The following KDM4B variants were observed in gnomAD, a reference collection of about 807,000 sequenced individuals.
KDM4B encodes lysine-specific demethylase 4B.
KDM4B carries 32 observed loss-of-function variants against 125.2 expected under a neutral mutation model. The ratio of observed to expected loss-of-function variants is 0.26; its 90% CI spans 0.19 to 0.34. The LOEUF (loss-of-function observed/expected upper bound fraction) is 0.34, where lower values mean the gene tolerates loss of function less well. Ranked by LOEUF, KDM4B falls within the 10% of genes least tolerant of loss-of-function variation. The pLI, the probability that KDM4B is intolerant of heterozygous loss-of-function variation, is 1.00. For synonymous variants in KDM4B, 721 were observed against 677.9 expected, an observed-to-expected ratio of 1.06 and a Z score of -0.99; for missense variants, 1,190 against 1,577.7, an observed-to-expected ratio of 0.75 and a Z score of 4.16.
At chr19:5,033,771 T>C (rs2036532570) in intron 3 of KDM4B, among the ~76,000 whole-genome samples, 1 of 152,122 alleles carries the variant, frequency 6.6e-6, no homozygotes, top group African/African-American at 2.4e-5. Context: ...TCTCGGCATA[T>C]TGTGCACGCG....
chr19:5,068,144 A>T (rs1002213600), intron 6 of KDM4B, among the ~76,000 whole-genome samples: 1 of 145,226 alleles, frequency 6.9e-6, no homozygotes, highest in Non-Finnish European at 1.5e-5. Flanking sequence ...GGGATGCCCC[A>T]GCATGGCCCC....
intron 9 of KDM4B, among the ~76,000 whole-genome samples, chr19:5,094,996 G>A (rs976079837): frequency 1.3e-5 from 2 of 152,128 alleles, no homozygotes; most frequent in Admixed American, 1.3e-4. Context: ...CGCCGGGGGC[G>A]GGGCAGGGGC....
At chr19:5,138,472 A>G (rs2613782) in intron 18 of KDM4B, 105,261 of 183,918 alleles carry the variant, frequency 0.57, 30,561 homozygotes, top group East Asian at 0.65. Flanking sequence ...GGGCAACACG[A>G]TGAGACCCCA....
chr19:5,031,673 G>A (rs939245626), intron 2 of KDM4B, among the ~76,000 whole-genome samples: 6 of 152,206 alleles, frequency 3.9e-5, no homozygotes, highest in Non-Finnish European at 5.9e-5. Context: ...TGGAGGCCAG[G>A]GGGCGACCTC....
At chr19:4,994,274 C>A (rs964203101) in intron 1 of KDM4B, among the ~76,000 whole-genome samples, 2 of 150,672 alleles carry the variant, frequency 1.3e-5, no homozygotes, top group Admixed American at 1.3e-4. Context: ...ATCTTTGAAT[C>A]TAAAGAGTGT....
chr19:5,064,892 C>T (rs1049447271), intron 6 of KDM4B, among the ~76,000 whole-genome samples: 3 of 152,340 alleles, frequency 2.0e-5, no homozygotes, highest in African/African-American at 4.8e-5. Flanking sequence ...GACTTTGCCC[C>T]GATCTCGGGT....
chr19:5,040,657 G>A (rs896390831), intron 4 of KDM4B, among the ~76,000 whole-genome samples: 1 of 109,414 alleles, frequency 9.1e-6, no homozygotes, highest in African/African-American at 4.1e-5. Flanking sequence ...GGCCTGTCCC[G>A]TCGCCGTGCC....
chr19:5,104,046 C>A lies in KDM4B; in HGVS notation c.919-6576C>A, dbSNP rs1186972785. Among the ~76,000 whole-genome samples, 3 of 152,302 alleles carry A rather than the reference C, an allele frequency of 2.0e-5. No individual in the cohort carries two copies. In the South Asian group the frequency reaches 6.2e-4, roughly 32 times the overall value. ...TCCCCACGGCTGCCTGCAGTCTGGC[C>A]CTCCCCTTTTTATCTGGGAAAAAGT... is the stretch of plus-strand genomic sequence containing the variant. On this transcript the variant is annotated intron_variant, in intron 9 of 22. Coordinates refer to ENST00000159111, the MANE Select transcript of KDM4B (RefSeq NM_015015.3).
Position 5,035,880 on chromosome 19 carries a change from T to TGC in KDM4B, c.141+2864_141+2865dup, listed in dbSNP as rs149870966. ...ACGTGTCTCTGTGTGTGTGTGTGTG[T>TGC]GCGCGCGCGCGCGCGCCTGCGCGCA... On this transcript the variant is annotated intron_variant, in intron 3 of 22. Coordinates refer to ENST00000159111, the MANE Select transcript of KDM4B (RefSeq NM_015015.3). This position sits in a 1 kb window ranked among gnomAD's most constrained non-coding sequence, Gnocchi z 5.3. Among the ~76,000 whole-genome samples, 17 of 136,500 alleles carry TGC rather than the reference T, an allele frequency of 1.2e-4. No homozygotes were observed. Among genetic ancestry groups the TGC allele is most frequent in the Middle Eastern group, 3.8e-3 (1 of 266 alleles). The allele number at this position is 136,500 out of a possible 152,430, so 89.5% of individuals were successfully genotyped here.
chr19:5,009,146 C>T (rs1326142723), intron 1 of KDM4B, among the ~76,000 whole-genome samples: 2 of 151,916 alleles, frequency 1.3e-5, no homozygotes, highest in African/African-American at 4.8e-5. Flanking sequence ...AACTCCTGAC[C>T]TCGAAAGATC....
At chr19:5,036,700 G>A (rs192553067) in intron 3 of KDM4B, among the ~76,000 whole-genome samples, 35 of 152,370 alleles carry the variant, frequency 2.3e-4, no homozygotes, top group East Asian at 5.8e-4. Context: ...AGGGGCCGCC[G>A]GAGGCCTGGA....
intron 10 of KDM4B, chr19:5,118,976 GTGAGC>G: frequency 1.6e-6 from 1 of 616,234 alleles, no homozygotes; most frequent in Admixed American, 2.8e-5. Flanking sequence ...GCAGCGGAGT[GTGAGC>G]TGGGGCTCCC....
intron 22 of KDM4B, among the ~76,000 whole-genome samples, chr19:5,150,990 G>A (rs866281285): frequency 2.6e-5 from 4 of 152,194 alleles, no homozygotes; most frequent in Non-Finnish European, 5.9e-5. Context: ...GGCGAGAGGC[G>A]AGGTGTTGAG....
At chr19:5,095,808 C>G (rs745796282) in intron 9 of KDM4B, among the ~76,000 whole-genome samples, 62 of 152,358 alleles carry the variant, frequency 4.1e-4, no homozygotes, top group South Asian at 8.3e-4. Flanking sequence ...GGGACCCTCC[C>G]CCAGCAGCTG....
chr19:5,142,865 C>T lies in KDM4B; in HGVS notation c.2551-1102C>T, dbSNP rs112324150. 1.3e-5 allele frequency among the ~76,000 whole-genome samples: 2 copies of T among 151,946 alleles called. No homozygotes were observed. The highest frequency in any genetic ancestry group is 4.8e-5 in the African/African-American group (2 of 41,340). ...TTGAACGTGGTTTATAGAGTGGTGA[C>T]GGTGCCGCTTATTAAATGCTTAGCT... is the stretch of plus-strand genomic sequence containing the variant. On this transcript the variant is annotated intron_variant, in intron 18 of 22. Transcript: ENST00000159111. The surrounding 1 kb of genome is among the most constrained non-coding windows in gnomAD (Gnocchi z 5.4).
In KDM4B at chr19:5,147,168, G is replaced by A. The variant is rs373781266; in HGVS notation, c.3021+2266G>A. Among the ~76,000 whole-genome samples, 22 of 152,250 alleles carry A rather than the reference G, an allele frequency of 1.4e-4. No individual in the cohort carries two copies. The South Asian group carries it at 3.1e-3, about 22-fold the overall frequency. ...ACTCCAGAGATCAGGCTGAGCATGT[G>A]CCAGTCTCTCTCCCTCCCTCAAGAA... On this transcript the variant is annotated intron_variant, in intron 21 of 22. Coordinates refer to ENST00000159111, the MANE Select transcript of KDM4B (RefSeq NM_015015.3).
At position 5,042,728 on chromosome 19, in the gene KDM4B, T is replaced by C. The variant is rs1357241834; in HGVS notation, c.432+1477T>C. On this transcript the variant is annotated intron_variant, in intron 5 of 22. Coordinates refer to ENST00000159111, the MANE Select transcript of KDM4B (RefSeq NM_015015.3). ...TTCAACAGCCAGGTTTCGCGAGCACTCACTGCCCTGAGGACAGCACCGCGG... is the reference window on the plus strand; with the variant it reads ...TTCAACAGCCAGGTTTCGCGAGCACCCACTGCCCTGAGGACAGCACCGCGG... 3.3e-5 allele frequency among the ~76,000 whole-genome samples: 5 copies of C among 151,336 alleles called. No homozygotes were observed. In the East Asian group the frequency reaches 7.9e-4, roughly 24 times the overall value.
intron 11 of KDM4B, among the ~76,000 whole-genome samples, chr19:5,126,759 G>A (rs1336261251): frequency 6.6e-6 from 1 of 152,240 alleles, no homozygotes. Flanking sequence ...CCCGGCTGCG[G>A]GTTCAGCACG....
chr19:5,121,383 G>A (rs2039358146), intron 11 of KDM4B, among the ~76,000 whole-genome samples: 1 of 152,218 alleles, frequency 6.6e-6, no homozygotes, highest in African/African-American at 2.4e-5. Flanking sequence ...ATCGTGGGTA[G>A]AAGAGAAAAG....
Sources: allele counts gnomAD v4.1 joint callset (sites outside exome capture counted in the v4.1 genomes callset), GRCh38; gene constraint gnomAD v4.1.1; non-coding constraint Gnocchi (gnomAD v3.1); transcripts MANE v1.5; gene names NCBI Gene and HGNC (gene_info 2026-07-23, HGNC 2026-07-21).